OR2J3: variants seen among roughly 807,000 people sequenced by gnomAD.
The protein encoded by OR2J3 is olfactory receptor 2J3.
A neutral mutation model predicts 18.5 loss-of-function variants in OR2J3; 13 were observed. The observed-to-expected ratio is 0.70, with a 90% confidence interval of 0.46 to 1.12. The LOEUF (loss-of-function observed/expected upper bound fraction) is 1.12. Among genes scored for constraint, OR2J3 ranks in the 50% most tolerant of loss-of-function variants. The pLI, the probability that OR2J3 is intolerant of heterozygous loss-of-function variation, is 0.00. For missense variants in OR2J3, 321 were observed against 371.6 expected, an observed-to-expected ratio of 0.86 and a Z score of 1.12; for synonymous variants, 142 against 140.6, an observed-to-expected ratio of 1.01 and a Z score of -0.07.
In OR2J3 at chr6:29,112,807, G is replaced by T; in HGVS notation, c.917G>T (p.Arg306Ile). The part of the protein sequence containing the change: ...RNKVVRGAVK[R>I]LMGWE ...AAAGTTGTAAGAGGGGCAGTGAAGA[G>T]ACTAATGGGGTGGGAATGAGCCTGT... is the stretch of plus-strand genomic sequence containing the variant. The change falls in exon 4 of 4, where the codon AGA (arginine) becomes ATA (isoleucine). Residue 306 changes from arginine to isoleucine, a missense_variant. Coordinates refer to ENST00000641151, the MANE Select transcript of OR2J3 (RefSeq NM_001005216.4). 1.9e-6 allele frequency: 3 copies of T among 1,613,134 alleles called. No individual in the cohort carries two copies. Among genetic ancestry groups the T allele is most frequent in the Non-Finnish European group, 2.5e-6 (3 of 1,179,482 alleles).
intron 3 of OR2J3, among the ~76,000 whole-genome samples, chr6:29,110,457 G>A (rs9393944): frequency 0.086 from 13,089 of 151,946 alleles, 627 homozygotes; most frequent in Admixed American, 0.1. Flanking sequence ...CAATGATTAC[G>A]TTTTCCACAA....
In OR2J3 at chr6:29,112,859, G is replaced by A. The variant is rs750406646; in HGVS notation, c.*33G>A. 2.6e-6 allele frequency: 4 copies of A among 1,561,220 alleles called. No individual in the cohort carries two copies. The highest frequency in any genetic ancestry group is 2.4e-5 in the South Asian group (2 of 81,996). Reference sequence around the variant, plus strand: ...TATGTGTCATATTAACAATATAACAGAGTCTCCCCTCACAATGATTCATCC... The same window carrying A: ...TATGTGTCATATTAACAATATAACAAAGTCTCCCCTCACAATGATTCATCC... On this transcript the variant is annotated 3_prime_UTR_variant, in exon 4 of 4. Coordinates refer to ENST00000641151, the MANE Select transcript of OR2J3 (RefSeq NM_001005216.4).
At chr6:29,109,549 C>A in intron 3 of OR2J3, 1 of 151,902 alleles carries the variant, frequency 6.6e-6, no homozygotes, top group African/African-American at 2.4e-5. Flanking sequence ...TGTGCCATAG[C>A]CAATTGGGAG....
Position 29,114,076 on chromosome 6 carries a change from T to C in OR2J3, c.*1250T>C, listed in dbSNP as rs1762246279. On this transcript the variant is annotated 3_prime_UTR_variant, in exon 4 of 4. Transcript: ENST00000641151. ...TTGATTCACACACTATTTCCTAAAT[T>C]ATTATAAAAATAAAAACGCATCTCA... 1 of 152,144 alleles carries C rather than the reference T, an allele frequency of 6.6e-6. No homozygotes were observed. The highest frequency in any genetic ancestry group is 1.5e-5 in the Non-Finnish European group (1 of 68,006). 9.4% of individuals were successfully genotyped at this position (152,144 alleles called of 1,614,324 possible).
At chr6:29,108,964 A>C (rs999255250) in intron 3 of OR2J3, 89 bp downstream of exon 3, 3 of 152,168 alleles carry the variant, frequency 2.0e-5, no homozygotes, top group African/African-American at 7.2e-5. Context: ...GCAATTGGCA[A>C]AGGTATCTCA....
intron 3 of OR2J3, chr6:29,109,629 G>T (rs1026684730): frequency 2.0e-5 from 3 of 152,132 alleles, no homozygotes; most frequent in Admixed American, 2.0e-4. Flanking sequence ...AAGAGGCAAA[G>T]AATTCAGAGA....
chr6:29,110,826 G>A (rs1191538285), intron 3 of OR2J3, among the ~76,000 whole-genome samples: 1 of 151,616 alleles, frequency 6.6e-6, no homozygotes, highest in Non-Finnish European at 1.5e-5. Flanking sequence ...CCAAAGCTTT[G>A]TTATATCATC....
chr6:29,109,946 T>G (rs976863311), intron 3 of OR2J3, among the ~76,000 whole-genome samples: 6 of 152,190 alleles, frequency 3.9e-5, no homozygotes, highest in African/African-American at 1.2e-4. Context: ...TCTAAATTAT[T>G]GTCCTGGAGA....
At position 29,112,866 on chromosome 6, in the gene OR2J3, C is replaced by G; in HGVS notation, c.*40C>G. 6.5e-7 allele frequency: 1 copy of G among 1,548,396 alleles called. No homozygotes were observed. Among genetic ancestry groups the G allele is most frequent in the Non-Finnish European group, 8.7e-7 (1 of 1,151,334 alleles). ...CATATTAACAATATAACAGAGTCTCCCCTCACAATGATTCATCCTTCTATT... is the reference window on the plus strand; with the variant it reads ...CATATTAACAATATAACAGAGTCTCGCCTCACAATGATTCATCCTTCTATT... On this transcript the variant is annotated 3_prime_UTR_variant, in exon 4 of 4. Transcript: ENST00000641151.
At chr6:29,111,609 C>T (rs1365953028) in intron 3 of OR2J3, 4 of 357,236 alleles carry the variant, frequency 1.1e-5, no homozygotes, top group Non-Finnish European at 2.0e-5. Flanking sequence ...TTCTTAACAC[C>T]GTCACCCCTT....
chr6:29,111,663 C>T, intron 3 of OR2J3: 1 of 516,574 alleles, frequency 1.9e-6, no homozygotes, highest in Non-Finnish European at 3.4e-6. Context: ...ATAGCTTTAT[C>T]TTCACCATTC....
chr6:29,111,445 G>A lies in OR2J3; in HGVS notation c.-10-436G>A, dbSNP rs550779216. 7.4e-5 allele frequency: 12 copies of A among 162,872 alleles called. No individual in the cohort carries two copies. The South Asian group carries it at 2.1e-3, about 28-fold the overall frequency. The allele number at this position is 162,872 out of a possible 1,614,324, so 10.1% of individuals were successfully genotyped here. On this transcript the variant is annotated intron_variant, in intron 3 of 3. Coordinates refer to ENST00000641151, the MANE Select transcript of OR2J3 (RefSeq NM_001005216.4). The stretch of plus-strand genomic sequence containing the variant: ...CAATAAAATCACTGGTTATGGTGGT[G>A]TCTGACAGGTTTTTCTACTACAAAC...
At position 29,114,359 on chromosome 6, in the gene OR2J3, C is replaced by T. The variant is rs1002681530; in HGVS notation, c.*1533C>T. On this transcript the variant is annotated 3_prime_UTR_variant, in exon 4 of 4. Coordinates refer to ENST00000641151, the MANE Select transcript of OR2J3 (RefSeq NM_001005216.4). ...TTTAAAAACTTAAAGAACATAACTTCGCCCTTTGAACTGTTTTCTACTATG... is the reference window on the plus strand; with the variant it reads ...TTTAAAAACTTAAAGAACATAACTTTGCCCTTTGAACTGTTTTCTACTATG... 6.6e-6 allele frequency: 1 copy of T among 151,858 alleles called. No individual in the cohort carries two copies. Among genetic ancestry groups the T allele is most frequent in the South Asian group, 2.1e-4 (1 of 4,822 alleles). The allele number at this position is 151,858 out of a possible 1,614,324, so 9.4% of individuals were successfully genotyped here.
At position 29,112,234 on chromosome 6, in the gene OR2J3, G is replaced by A. The variant is rs753700680; in HGVS notation, c.344G>A (p.Cys115Tyr). Residue 115 changes from cysteine (C) to tyrosine (Y), a missense_variant, in exon 4 of 4, where the codon TGT (cysteine) becomes TAT (tyrosine). By Grantham distance (194) the Cys-to-Tyr change is radical. Transcript: ENST00000641151. ...GTTCTCGCACTGGGAACCACAGAGT[G>A]TGTCCTACTGGTGGTGATGTCCTAT... ...YFVLALGTTE[C>Y]VLLVVMSYDR... 3 of 1,614,170 alleles carry A rather than the reference G, an allele frequency of 1.9e-6. No individual in the cohort carries two copies. The highest frequency in any genetic ancestry group is 4.5e-5 in the East Asian group (2 of 44,878).
chr6:29,110,558 T>A (rs1762085498), intron 3 of OR2J3, among the ~76,000 whole-genome samples: 3 of 152,186 alleles, frequency 2.0e-5, no homozygotes, highest in Admixed American at 2.0e-4. Context: ...TTATGGAAAT[T>A]ATCTTCCTTA....
chr6:29,111,824 T>G, intron 3 of OR2J3, 57 bp from the exon 4 acceptor site: 1 of 1,496,760 alleles, frequency 6.7e-7, no homozygotes, highest in East Asian at 2.3e-5. Context: ...TGTGCTGATA[T>G]TTTTGGATCA....
intron 3 of OR2J3, chr6:29,109,429 A>G (rs1762043030): frequency 6.6e-6 from 1 of 152,202 alleles, no homozygotes; most frequent in African/African-American, 2.4e-5. Flanking sequence ...AACTCAACCA[A>G]TTAGCTACTC....
At chr6:29,111,596 T>C (rs1762127973) in intron 3 of OR2J3, 4 of 321,760 alleles carry the variant, frequency 1.2e-5, no homozygotes, top group Non-Finnish European at 2.3e-5. Flanking sequence ...ATCATTTATG[T>C]TTTTCTTAAC....
chr6:29,112,618 C>G lies in OR2J3; in HGVS notation c.728C>G (p.Thr243Arg). Residue 243 changes from threonine to arginine, a missense_variant, in exon 4 of 4, where the codon ACA becomes AGA. Physicochemically the swap from Thr to Arg is moderately conservative, Grantham distance 71 (BLOSUM62 -1). Coordinates refer to ENST00000641151, the MANE Select transcript of OR2J3 (RefSeq NM_001005216.4). The stretch of plus-strand genomic sequence containing the variant: ...ACTGGGCTTCAGAAAGTGTTTGGAA[C>G]ATGTGGAGCTCATCTTATGGCTGTA... ...STTGLQKVFG[T>R]CGAHLMAVSL... 1.2e-6 allele frequency: 2 copies of G among 1,614,132 alleles called. No individual in the cohort carries two copies. The highest frequency in any genetic ancestry group is 1.7e-6 in the Non-Finnish European group (2 of 1,180,020).
Sources: gnomAD v4.1 joint callset for allele counts (sites outside exome capture counted in the v4.1 genomes callset) on GRCh38, gnomAD v4.1.1 for gene constraint, MANE v1.5 for transcripts, NCBI Gene and HGNC (gene_info 2026-07-23, HGNC 2026-07-21) for gene names.